TMEM117: variants seen among roughly 807,000 people sequenced by gnomAD.
The protein encoded by TMEM117 is transmembrane protein 117.
Under a neutral mutation model 52.4 loss-of-function variants are expected in TMEM117, and 27 were observed. The ratio of observed to expected loss-of-function variants is 0.51; its 90% CI spans 0.38 to 0.71. The LOEUF is 0.71. Among genes scored for constraint, TMEM117 ranks in the 30% least tolerant of loss-of-function variants. The pLI is 0.00. For missense variants in TMEM117, 556 were observed against 630.5 expected, an observed-to-expected ratio of 0.88 and a Z score of 1.26; for synonymous variants, 215 against 206.3, an observed-to-expected ratio of 1.04 and a Z score of -0.36.
At chr12:44,281,607 G>A (rs1445212903) in intron 5 of TMEM117, among the ~76,000 whole-genome samples, 1 of 152,042 alleles carries the variant, frequency 6.6e-6, no homozygotes, top group East Asian at 1.9e-4. Flanking sequence ...CCATTTGACA[G>A]CATCCCACTT....
chr12:44,132,103 C>T (rs930457748), intron 3 of TMEM117, among the ~76,000 whole-genome samples: 9 of 151,444 alleles, frequency 5.9e-5, no homozygotes, highest in African/African-American at 1.2e-4. Context: ...ATTAGGGAGA[C>T]GGAGGCAGTG....
intron 4 of TMEM117, among the ~76,000 whole-genome samples, chr12:44,198,261 A>G (rs1949447084): frequency 2.6e-5 from 4 of 152,206 alleles, no homozygotes; most frequent in Admixed American, 2.6e-4. Flanking sequence ...AACTACATAC[A>G]TACATCCTAT....
chr12:44,079,482 CAT>C (rs1389497972), intron 3 of TMEM117, among the ~76,000 whole-genome samples: 5 of 152,100 alleles, frequency 3.3e-5, no homozygotes, highest in African/African-American at 7.2e-5. Context: ...AGCTTTTTTT[CAT>C]ATGTTTGTTG....
the TMEM117 span, chr12:43,805,451 T>A: frequency 2.3e-6 from 1 of 432,262 alleles, no homozygotes; most frequent in Non-Finnish European, 4.7e-6. Flanking sequence ...AGAGCTTGAG[T>A]TTACACTAGA....
At chr12:44,038,714 T>C (rs1946751164) in intron 3 of TMEM117, among the ~76,000 whole-genome samples, 1 of 152,246 alleles carries the variant, frequency 6.6e-6, no homozygotes, top group Admixed American at 6.5e-5. Flanking sequence ...TCCTCCTGTG[T>C]AGAAAACATA....
chr12:44,258,326 C>G (rs1950283131), intron 5 of TMEM117, among the ~76,000 whole-genome samples: 1 of 152,188 alleles, frequency 6.6e-6, no homozygotes, highest in South Asian at 2.1e-4. Flanking sequence ...GTATAATGAG[C>G]AGCCGTGGCC....
At chr12:44,393,964 G>A (rs1444666368), downstream of TMEM117, among the ~76,000 whole-genome samples, 5 of 152,118 alleles carry the variant, frequency 3.3e-5, no homozygotes, top group African/African-American at 4.8e-5. Context: ...AGGGAGACTG[G>A]AGCTCTGCAT....
At chr12:44,185,722 T>A (rs554182047) in intron 4 of TMEM117, among the ~76,000 whole-genome samples, 45 of 152,282 alleles carry the variant, frequency 3.0e-4, no homozygotes, top group African/African-American at 1.0e-3. Context: ...TGCTCTATTC[T>A]CTGAATCAAG....
upstream of TMEM117, among the ~76,000 whole-genome samples, chr12:43,835,630 T>C (rs527606583): frequency 6.6e-6 from 1 of 152,276 alleles, no homozygotes; most frequent in African/African-American, 2.4e-5. Context: ...GAGATTGCTT[T>C]CGAAAGTTTG....
intron 3 of TMEM117, among the ~76,000 whole-genome samples, chr12:44,093,134 T>C (rs1446979626): frequency 6.6e-6 from 1 of 152,156 alleles, no homozygotes; most frequent in African/African-American, 2.4e-5. Flanking sequence ...GTAAGAACGC[T>C]AATTGGGCTT....
chr12:43,956,473 G>A (rs1945307751), intron 3 of TMEM117, among the ~76,000 whole-genome samples: 1 of 141,300 alleles, frequency 7.1e-6, no homozygotes, highest in African/African-American at 2.6e-5. Flanking sequence ...GTTAAAAAGT[G>A]GGCAAAGGAT....
chr12:44,392,748 C>G (rs1277196360), downstream of TMEM117, among the ~76,000 whole-genome samples: 2 of 150,062 alleles, frequency 1.3e-5, no homozygotes, highest in Admixed American at 1.3e-4. Flanking sequence ...TGTTCAGTTC[C>G]CACCTATGAG....
intron 4 of TMEM117, among the ~76,000 whole-genome samples, chr12:44,147,234 A>T (rs1248941675): frequency 1.3e-5 from 2 of 152,196 alleles, no homozygotes; most frequent in South Asian, 4.1e-4. Context: ...GAAGCTGTAA[A>T]TAAAACAACA....
chr12:43,851,414 C>G (rs12230284), intron 2 of TMEM117, among the ~76,000 whole-genome samples: 5,702 of 152,052 alleles, frequency 0.038, 269 homozygotes, highest in African/African-American at 0.1. Context: ...ATTGGAATGT[C>G]AGTTTATACT....
intron 3 of TMEM117, among the ~76,000 whole-genome samples, chr12:44,022,456 C>T (rs1946470173): frequency 6.6e-6 from 1 of 152,130 alleles, no homozygotes; most frequent in Admixed American, 6.5e-5. Context: ...ACAATACTAC[C>T]TCATTCATGT....
At chr12:44,222,421 G>A (rs1949800820) in intron 5 of TMEM117, among the ~76,000 whole-genome samples, 1 of 152,138 alleles carries the variant, frequency 6.6e-6, no homozygotes, top group African/African-American at 2.4e-5. Context: ...ATTTACAAAT[G>A]CCCTAGACTG....
In TMEM117 at chr12:43,852,207, G is replaced by A. The variant is rs572543492; in HGVS notation, c.277+7279G>A. On this transcript the variant is annotated intron_variant, in intron 2 of 7. Coordinates refer to ENST00000266534, the MANE Select transcript of TMEM117 (RefSeq NM_032256.3). ...AGCACTTTGGGAGGCCGAGTCGGGCGGATCACGAGGTCAGGAGATTGAGAC... is the reference window on the plus strand; with the variant it reads ...AGCACTTTGGGAGGCCGAGTCGGGCAGATCACGAGGTCAGGAGATTGAGAC... Among the ~76,000 whole-genome samples, 8 of 151,870 alleles carry A rather than the reference G, an allele frequency of 5.3e-5. No homozygotes were observed. The East Asian group carries it at 5.8e-4, about 11-fold the overall frequency.
intron 5 of TMEM117, among the ~76,000 whole-genome samples, chr12:44,233,138 TTAAAACCACC>T (rs1228092160): frequency 1.3e-5 from 2 of 151,286 alleles, no homozygotes; most frequent in African/African-American, 4.8e-5. Context: ...ATTGTGGTGG[TTAAAACCACC>T]CAAACAACAC....
At chr12:43,996,469 C>G (rs1946032388) in intron 3 of TMEM117, among the ~76,000 whole-genome samples, 1 of 152,056 alleles carries the variant, frequency 6.6e-6, no homozygotes, top group Admixed American at 6.6e-5. Flanking sequence ...CGGTGAAACC[C>G]TGTCTCTACT....
Sources: allele counts gnomAD v4.1 joint callset (sites outside exome capture counted in the v4.1 genomes callset), GRCh38; gene constraint gnomAD v4.1.1; transcripts MANE v1.5; gene names NCBI Gene and HGNC (gene_info 2026-07-23, HGNC 2026-07-21).